The following CLSTN2 variants were observed in gnomAD, a reference collection of about 807,000 sequenced individuals.
CLSTN2 encodes the protein calsyntenin-2.
Under a neutral mutation model 101.2 loss-of-function variants are expected in CLSTN2, and 48 were observed. The observed-to-expected ratio is 0.47, with a 90% confidence interval of 0.38 to 0.60. The LOEUF is 0.60. CLSTN2 is among the 20% of genes least tolerant of loss of function. CLSTN2 has a pLI of 0.00. For synonymous variants in CLSTN2, 481 were observed against 463.6 expected (o/e 1.04, Z -0.48); for missense variants, 1,160 against 1,238.2 (o/e 0.94, Z 0.95).
chr3:140,017,627 G>A (rs941101851), intron 1 of CLSTN2, among the ~76,000 whole-genome samples: 1 of 152,224 alleles, frequency 6.6e-6, no homozygotes. Context: ...GCACTGTGTG[G>A]GATTGAGTTG....
chr3:140,320,811 C>T (rs1226705922), intron 2 of CLSTN2, among the ~76,000 whole-genome samples: 3 of 152,090 alleles, frequency 2.0e-5, no homozygotes, highest in Non-Finnish European at 2.9e-5. Context: ...CAGCCTCAAG[C>T]AGTTTCAGAA....
intron 2 of CLSTN2, among the ~76,000 whole-genome samples, chr3:140,320,480 C>T (rs941023651): frequency 6.6e-6 from 1 of 152,018 alleles, no homozygotes; most frequent in Admixed American, 6.6e-5. Context: ...TGCTACTGGG[C>T]ATACTTTTTA....
At chr3:140,026,276 G>A (rs917787565) in intron 1 of CLSTN2, among the ~76,000 whole-genome samples, 3 of 152,264 alleles carry the variant, frequency 2.0e-5, no homozygotes, top group African/African-American at 4.8e-5. Context: ...GGAAAGTGCC[G>A]AGAGCATAAA....
At chr3:139,941,854 G>A (rs1481992221) in intron 1 of CLSTN2, among the ~76,000 whole-genome samples, 1 of 152,210 alleles carries the variant, frequency 6.6e-6, no homozygotes, top group Non-Finnish European at 1.5e-5. Context: ...CATACTATGT[G>A]CCAAGCACTA....
chr3:140,115,663 A>C (rs745521433), intron 1 of CLSTN2, among the ~76,000 whole-genome samples: 1 of 152,176 alleles, frequency 6.6e-6, no homozygotes, highest in African/African-American at 2.4e-5. Context: ...TGTGTTTGAC[A>C]TTCTTTTCAT....
At chr3:140,015,793 G>A (rs1439976893) in intron 1 of CLSTN2, among the ~76,000 whole-genome samples, 1 of 152,264 alleles carries the variant, frequency 6.6e-6, no homozygotes, top group Non-Finnish European at 1.5e-5. Flanking sequence ...ATGGCAGACT[G>A]TTCTGGTCAG....
intron 8 of CLSTN2, among the ~76,000 whole-genome samples, chr3:140,479,785 T>A (rs1438613250): frequency 6.6e-6 from 1 of 152,056 alleles, no homozygotes. Flanking sequence ...GAACAAGGCA[T>A]TAAATAATTA....
chr3:140,016,869 C>T (rs570689919), intron 1 of CLSTN2, among the ~76,000 whole-genome samples: 17 of 148,018 alleles, frequency 1.1e-4, no homozygotes, highest in African/African-American at 2.0e-4. Context: ...AAAGTATATA[C>T]ATTAATCAAC....
intron 1 of CLSTN2, among the ~76,000 whole-genome samples, chr3:140,088,908 ATAAAG>A (rs1436898642): frequency 1.3e-5 from 2 of 152,222 alleles, no homozygotes; most frequent in Non-Finnish European, 2.9e-5. Context: ...ATTTCACTGG[ATAAAG>A]TAAATAAATA....
At chr3:140,299,012 C>T (rs1009577209) in intron 2 of CLSTN2, among the ~76,000 whole-genome samples, 1 of 152,196 alleles carries the variant, frequency 6.6e-6, no homozygotes, top group South Asian at 2.1e-4. Flanking sequence ...CCCTCTTCCC[C>T]CTGTACCTTG....
chr3:140,521,681 T>C (rs1352493946), intron 8 of CLSTN2, among the ~76,000 whole-genome samples: 1 of 152,224 alleles, frequency 6.6e-6, no homozygotes, highest in African/African-American at 2.4e-5. Flanking sequence ...GACCCTTCCT[T>C]GTCCAGACCC....
rs1301739467 is a variant in CLSTN2, at chr3:140,070,821, T to C, written c.110-105130T>C. 3.9e-5 allele frequency among the ~76,000 whole-genome samples: 6 copies of C among 152,194 alleles called. No homozygotes were observed. The South Asian group carries it at 6.2e-4, about 16-fold the overall frequency. The stretch of plus-strand genomic sequence containing the variant: ...TAAAATTTTATTAGAACACAGCCAC[T>C]ATCATTTGGTTATGTATGGTCTGTG... On this transcript the variant is annotated intron_variant, in intron 1 of 16. Coordinates refer to ENST00000458420, the MANE Select transcript of CLSTN2 (RefSeq NM_022131.3).
At chr3:140,356,690 G>A (rs2087673654) in intron 2 of CLSTN2, among the ~76,000 whole-genome samples, 1 of 150,312 alleles carries the variant, frequency 6.7e-6, no homozygotes, top group Non-Finnish European at 1.5e-5. Flanking sequence ...CCCAGGAAGC[G>A]GAGGTTGCAA....
At chr3:140,408,748 ATGTAT>A (rs1435297747) in intron 4 of CLSTN2, among the ~76,000 whole-genome samples, 6 of 152,148 alleles carry the variant, frequency 3.9e-5, no homozygotes. Context: ...AAGCCACTAC[ATGTAT>A]GCCCCAAAAT....
intron 2 of CLSTN2, among the ~76,000 whole-genome samples, chr3:140,328,648 A>G (rs956293877): frequency 6.6e-6 from 1 of 152,188 alleles, no homozygotes; most frequent in Admixed American, 6.5e-5. Context: ...GATGAGAACC[A>G]ATCTAGTAGA....
At chr3:139,988,609 G>A (rs906940601) in intron 1 of CLSTN2, among the ~76,000 whole-genome samples, 17 of 152,188 alleles carry the variant, frequency 1.1e-4, no homozygotes, top group African/African-American at 4.1e-4. Context: ...GAATATGGGT[G>A]CACTGAGGAG....
chr3:140,372,785 T>G (rs2087872698), intron 2 of CLSTN2, among the ~76,000 whole-genome samples: 1 of 152,182 alleles, frequency 6.6e-6, no homozygotes, highest in Non-Finnish European at 1.5e-5. Flanking sequence ...AAATTCACAG[T>G]GCAAATGAGT....
At chr3:139,979,048 C>G (rs761736414) in intron 1 of CLSTN2, among the ~76,000 whole-genome samples, 2 of 152,078 alleles carry the variant, frequency 1.3e-5, no homozygotes. Flanking sequence ...CCCAGGGGAT[C>G]CCCTTGTACA....
intron 8 of CLSTN2, 24 bp from the exon 9 acceptor site, chr3:140,532,300 G>A (rs1350859976): frequency 1.3e-6 from 2 of 1,567,368 alleles, no homozygotes; most frequent in African/African-American, 1.4e-5. Context: ...AATTTTAAAT[G>A]TTGCTTCTCT....
Sources: allele counts gnomAD v4.1 joint callset (sites outside exome capture counted in the v4.1 genomes callset), GRCh38; gene constraint gnomAD v4.1.1; transcripts MANE v1.5; gene names NCBI Gene and HGNC (gene_info 2026-07-23, HGNC 2026-07-21).